The following DAPK2 variants were observed in gnomAD, a reference collection of about 807,000 sequenced individuals.
DAPK2 encodes the protein death associated protein kinase 2, also known as death-associated protein kinase 2.
A neutral mutation model predicts 44.1 loss-of-function variants in DAPK2; 35 were observed. The observed-to-expected ratio is 0.79, with a 90% confidence interval of 0.61 to 1.05. The LOEUF (loss-of-function observed/expected upper bound fraction) is 1.05, where lower values mean the gene tolerates loss of function less well. Ranked by LOEUF, DAPK2 falls within the 50% of genes least tolerant of loss-of-function variation. The pLI is 0.00. For missense variants in DAPK2, 453 were observed against 483.2 expected, an observed-to-expected ratio of 0.94 and a Z score of 0.59; for synonymous variants, 174 against 182.6, an observed-to-expected ratio of 0.95 and a Z score of 0.38.
rs1367229300 is a variant in DAPK2, at chr15:63,926,337, G to T, written c.660-244C>A. On this transcript the variant is annotated intron_variant, in intron 6 of 10. Transcript: ENST00000261891. ...TGTGTCTTCAACGGACTCAAAAGCG[G>T]AGGGGAGAGAAACACAGAGACATGT... The T allele has an allele frequency of 1.3e-4, 53 of 417,962 alleles. No homozygotes were observed. In the Admixed American group the frequency reaches 2.1e-3, roughly 17 times the overall value. The allele number at this position is 417,962 out of a possible 1,614,324, so 25.9% of individuals were successfully genotyped here.
At position 63,992,769 on chromosome 15, in the gene DAPK2, G is replaced by A. The variant is rs149183610; in HGVS notation, c.93-9015C>T. ...GCAGTCAAGGGACCAGTCGGGCTCA[G>A]TTGGGTCAGGCACCCTTCCCACCAT... On this transcript the variant is annotated intron_variant, in intron 1 of 10. Transcript: ENST00000261891. Among the ~76,000 whole-genome samples the A allele has an allele frequency of 3.9e-5, 6 of 152,238 alleles. No homozygotes were observed. In the South Asian group the frequency reaches 6.2e-4, roughly 16 times the overall value.
chr15:64,007,397 T>A (rs989227401), intron 1 of DAPK2, among the ~76,000 whole-genome samples: 4 of 152,130 alleles, frequency 2.6e-5, no homozygotes, highest in African/African-American at 9.6e-5. Flanking sequence ...TCCTCTCCCC[T>A]ATCATGGCAA....
chr15:64,003,140 C>T (rs1206757136), intron 1 of DAPK2, among the ~76,000 whole-genome samples: 1 of 151,920 alleles, frequency 6.6e-6, no homozygotes, highest in Non-Finnish European at 1.5e-5. Context: ...GCAATAAGGC[C>T]ACAAGATAAG....
chr15:63,934,978 T>G (rs2077096617), intron 4 of DAPK2, among the ~76,000 whole-genome samples: 1 of 152,248 alleles, frequency 6.6e-6, no homozygotes, highest in South Asian at 2.1e-4. Flanking sequence ...AATTCAGAAG[T>G]ACATCTTTTA....
intron 4 of DAPK2, among the ~76,000 whole-genome samples, chr15:63,931,297 A>G (rs1260306149): frequency 6.6e-6 from 1 of 152,192 alleles, no homozygotes; most frequent in Non-Finnish European, 1.5e-5. Flanking sequence ...GCCCAAAAGG[A>G]CTAAGAAAAG....
intron 3 of DAPK2, among the ~76,000 whole-genome samples, chr15:63,943,592 G>A (rs1165845212): frequency 6.6e-6 from 1 of 152,138 alleles, no homozygotes; most frequent in Non-Finnish European, 1.5e-5. Context: ...AGCCCAGGAG[G>A]CCGGGCGCAG....
rs192762404 is a variant in DAPK2 at position 64,030,508 on chromosome 15, C to T, written c.92+9662G>A. ...ATCAAGGCTGCAGGATGGAATCCCA[C>T]CAAGGGAATTTGGTGGCCTGGTATG... On this transcript the variant is annotated intron_variant, in intron 1 of 10. Coordinates refer to ENST00000261891, the Ensembl canonical transcript of DAPK2. Among the ~76,000 whole-genome samples the T allele has an allele frequency of 1.2e-3, 187 of 152,132 alleles. 1 individual carries two copies. The highest frequency in any genetic ancestry group is 4.4e-3 in the African/African-American group (183 of 41,492).
intron 3 of DAPK2, among the ~76,000 whole-genome samples, chr15:63,946,274 C>G (rs563883956): frequency 6.6e-6 from 1 of 152,264 alleles, no homozygotes; most frequent in Non-Finnish European, 1.5e-5. Flanking sequence ...GGTGGGGCAC[C>G]CATGGCCTGT....
At chr15:63,929,478 C>T (rs1041479735) in intron 6 of DAPK2, 73 bp downstream of exon 7, 2 of 1,587,052 alleles carry the variant, frequency 1.3e-6, no homozygotes, top group African/African-American at 2.7e-5. Context: ...GTCTATCAGC[C>T]TGCCCCTCTC....
chr15:63,981,949 C>T (rs895112095), intron 2 of DAPK2, among the ~76,000 whole-genome samples: 3 of 152,148 alleles, frequency 2.0e-5, no homozygotes, highest in Non-Finnish European at 4.4e-5. Context: ...CCATCTGCTA[C>T]TTAAATCTAT....
intron 4 of DAPK2, among the ~76,000 whole-genome samples, chr15:63,933,286 C>A (rs1374640636): frequency 1.3e-5 from 2 of 152,116 alleles, no homozygotes; most frequent in Non-Finnish European, 2.9e-5. Context: ...TCTTTTTGCC[C>A]AGGCTGGAGT....
chr15:64,001,362 T>C (rs182833482), intron 1 of DAPK2, among the ~76,000 whole-genome samples: 1 of 152,262 alleles, frequency 6.6e-6, no homozygotes, highest in Non-Finnish European at 1.5e-5. Context: ...AGTTACCGTA[T>C]GTGATGGTGT....
intron 1 of DAPK2, among the ~76,000 whole-genome samples, chr15:64,017,688 T>A (rs1366255697): frequency 6.6e-6 from 1 of 152,198 alleles, no homozygotes; most frequent in East Asian, 1.9e-4. Context: ...TAGTCAATTA[T>A]CCCTGCCTAA....
intron 6 of DAPK2, among the ~76,000 whole-genome samples, chr15:63,926,820 C>A (rs1056163860): frequency 2.0e-5 from 3 of 152,206 alleles, no homozygotes; most frequent in East Asian, 3.8e-4. Context: ...CATTACTTCA[C>A]AAATGTACCC....
intron 3 of DAPK2, among the ~76,000 whole-genome samples, chr15:63,971,081 A>G (rs978743082): frequency 3.9e-5 from 6 of 152,190 alleles, no homozygotes; most frequent in African/African-American, 1.4e-4. Flanking sequence ...TTGTTACTGA[A>G]AAGTTCAGTC....
intron 4 of DAPK2, among the ~76,000 whole-genome samples, chr15:63,934,015 T>C (rs181645756): frequency 3.8e-4 from 58 of 152,310 alleles, no homozygotes; most frequent in African/African-American, 1.3e-3. Context: ...TGTCTTTTTT[T>C]CTGTGCTTTT....
At chr15:63,997,045 T>C (rs1241321576) in intron 1 of DAPK2, among the ~76,000 whole-genome samples, 1 of 151,904 alleles carries the variant, frequency 6.6e-6, no homozygotes, top group Non-Finnish European at 1.5e-5. Context: ...CCTCTACACC[T>C]CTCCCATCCA....
chr15:63,922,488 C>G, intron 8 of DAPK2: 1 of 1,283,928 alleles, frequency 7.8e-7, no homozygotes, highest in Non-Finnish European at 9.9e-7. Flanking sequence ...GGGGTACTCA[C>G]TCTCTAATTG....
At chr15:63,930,097 T>C (rs929249058) in intron 5 of DAPK2, among the ~76,000 whole-genome samples, 1 of 152,184 alleles carries the variant, frequency 6.6e-6, no homozygotes, top group Admixed American at 6.5e-5. Context: ...CTACTGTTAC[T>C]ATTATATTTA....
Sources: allele counts gnomAD v4.1 joint callset (sites outside exome capture counted in the v4.1 genomes callset), GRCh38; gene constraint gnomAD v4.1.1; transcripts MANE v1.5; gene names NCBI Gene and HGNC (gene_info 2026-07-23, HGNC 2026-07-21).